The following MAP3K20 variants were observed in gnomAD, a reference collection of about 807,000 sequenced individuals.
The protein encoded by MAP3K20 is HCCS-4.
A neutral mutation model predicts 85.7 loss-of-function variants in MAP3K20; 40 were observed. The ratio of observed to expected loss-of-function variants is 0.47; its 90% CI spans 0.36 to 0.61. MAP3K20 has a LOEUF of 0.61. Among genes scored for constraint, MAP3K20 ranks in the 20% least tolerant of loss-of-function variants. MAP3K20 has a pLI of 0.00. For synonymous variants in MAP3K20, 325 were observed against 327.7 expected (o/e 0.99, Z 0.09); for missense variants, 817 against 961.7 (o/e 0.85, Z 1.99).
At chr2:173,148,783 A>T (rs1689210974) in intron 2 of MAP3K20, among the ~76,000 whole-genome samples, 1 of 152,208 alleles carries the variant, frequency 6.6e-6, no homozygotes, top group Non-Finnish European at 1.5e-5. Context: ...GGTTTGCCAA[A>T]TTTGGCAGAG....
intron 17 of MAP3K20, among the ~76,000 whole-genome samples, chr2:173,259,191 T>C (rs1685231362): frequency 6.6e-6 from 1 of 152,192 alleles, no homozygotes; most frequent in African/African-American, 2.4e-5. Flanking sequence ...ATGACTTTCT[T>C]GGTTGAGGTC....
chr2:173,250,660 T>TC (rs773871627), intron 16 of MAP3K20, among the ~76,000 whole-genome samples: 2 of 152,230 alleles, frequency 1.3e-5, no homozygotes, highest in African/African-American at 2.4e-5. Flanking sequence ...TATGTATGAT[T>TC]CTTCATCAGT....
rs770346806 is a variant in MAP3K20 at position 173,164,848 on chromosome 2, A to T, written c.160-4957A>T. On this transcript the variant is annotated intron_variant, in intron 2 of 19. Coordinates refer to ENST00000375213, the MANE Select transcript of MAP3K20 (RefSeq NM_016653.3). ...GTCTGGAAACATGGCAAACTGAGCT[A>T]ATGGCTCGTTTTCCCCTGTAAACTT... 7.2e-5 allele frequency among the ~76,000 whole-genome samples: 11 copies of T among 152,184 alleles called. No homozygotes were observed. The East Asian group carries it at 1.3e-3, about 19-fold the overall frequency.
At chr2:173,232,485 A>G in intron 14 of MAP3K20, 26 bp downstream of exon 14, 1 of 1,606,426 alleles carries the variant, frequency 6.2e-7, no homozygotes, top group Non-Finnish European at 8.5e-7. Flanking sequence ...ACAACATTCC[A>G]TCAGCAAACC....
At chr2:173,161,650 A>G in intron 2 of MAP3K20, among the ~76,000 whole-genome samples, 1 of 152,220 alleles carries the variant, frequency 6.6e-6, no homozygotes, top group East Asian at 1.9e-4. Flanking sequence ...CCATAGGAGC[A>G]GACACAAGAA....
chr2:173,172,489 T>C (rs1690026310), intron 3 of MAP3K20, among the ~76,000 whole-genome samples: 1 of 152,138 alleles, frequency 6.6e-6, no homozygotes, highest in Non-Finnish European at 1.5e-5. Context: ...CAGAGCTTCA[T>C]AGATGGGTCA....
At chr2:173,078,134 GTTTAT>G (rs1686915881) in intron 1 of MAP3K20, among the ~76,000 whole-genome samples, 1 of 152,230 alleles carries the variant, frequency 6.6e-6, no homozygotes, top group Non-Finnish European at 1.5e-5. Context: ...AAAATGGACA[GTTTAT>G]TTTAGAAAGT....
At chr2:173,171,324 C>T (rs536499070) in intron 3 of MAP3K20, among the ~76,000 whole-genome samples, 2 of 152,266 alleles carry the variant, frequency 1.3e-5, no homozygotes, top group African/African-American at 2.4e-5. Context: ...TTCTGATCCT[C>T]GTTTGTGGCT....
At chr2:173,248,839 T>C (rs1326922584) in intron 16 of MAP3K20, among the ~76,000 whole-genome samples, 1 of 152,222 alleles carries the variant, frequency 6.6e-6, no homozygotes, top group African/African-American at 2.4e-5. Flanking sequence ...TTAGTCTTCT[T>C]AATCAAGATT....
At chr2:173,127,966 T>C (rs764768098) in intron 2 of MAP3K20, among the ~76,000 whole-genome samples, 22 of 152,150 alleles carry the variant, frequency 1.4e-4, no homozygotes, top group Non-Finnish European at 2.6e-4. Context: ...TAGTAAGTGA[T>C]AGAATCTAGA....
At chr2:173,239,003 C>T (rs547791890) in intron 15 of MAP3K20, among the ~76,000 whole-genome samples, 9 of 152,152 alleles carry the variant, frequency 5.9e-5, no homozygotes, top group Non-Finnish European at 1.2e-4. Flanking sequence ...ATCCTCCATC[C>T]ACATTTGCAT....
At chr2:173,243,616 TGTTTTTTTGTTTGTTTTTTGA>T (rs904975537) in intron 16 of MAP3K20, among the ~76,000 whole-genome samples, 30 of 152,298 alleles carry the variant, frequency 2.0e-4, no homozygotes, top group African/African-American at 7.2e-4. Flanking sequence ...ATCAGATTTA[TGTTTTTTTGTTTGTTTTTTGA>T]GACGGAATCT....
At chr2:173,221,590 A>G (rs1248919551) in intron 11 of MAP3K20, 8 of 1,441,294 alleles carry the variant, frequency 5.6e-6, no homozygotes, top group Non-Finnish European at 7.3e-6. Flanking sequence ...TAACTTGTTT[A>G]TCTCAGTCTG....
chr2:173,140,136 C>T (rs191349610), intron 2 of MAP3K20, among the ~76,000 whole-genome samples: 46 of 152,084 alleles, frequency 3.0e-4, no homozygotes, highest in African/African-American at 8.2e-4. Context: ...CTCAGCCTCC[C>T]GAGTAGCTGG....
chr2:173,229,779 C>A, intron 12 of MAP3K20, 46 bp downstream of exon 12: 1 of 1,608,068 alleles, frequency 6.2e-7, no homozygotes, highest in Non-Finnish European at 8.5e-7. Flanking sequence ...GCAGGTATTT[C>A]ATAAATTTTT....
rs61431056 is a variant in MAP3K20 at position 173,085,784 on chromosome 2, A to ATTTTTTTTTTTTTTTT, written c.-34-5200_-34-5185dup. ...AAATTGCCTTTTTTGTGTAAAAGCA[A>ATTTTTTTTTTTTTTTT]TTTTTTTTTTTTTTTTTTTTTTTTT... is the stretch of plus-strand genomic sequence containing the variant. On this transcript the variant is annotated intron_variant, in intron 1 of 19. Transcript: ENST00000375213. Among the ~76,000 whole-genome samples the ATTTTTTTTTTTTTTTT allele has an allele frequency of 9.5e-5, 7 of 73,760 alleles. 1 individual carries two copies. Among genetic ancestry groups the ATTTTTTTTTTTTTTTT allele is most frequent in the South Asian group, 5.9e-4 (1 of 1,704 alleles). The allele number at this position is 73,760 out of a possible 152,430, so 48.4% of individuals were successfully genotyped here. A position where few individuals can be genotyped will look rare whatever the true frequency, so the allele number is the denominator to read the frequency against.
At chr2:173,264,760 T>C (rs1393694091) in intron 19 of MAP3K20, among the ~76,000 whole-genome samples, 1 of 152,130 alleles carries the variant, frequency 6.6e-6, no homozygotes, top group Admixed American at 6.5e-5. Context: ...TGTGATTCTG[T>C]ATGCTACTGC....
rs1341026793 is a variant in MAP3K20, at chr2:173,261,069, T to C, written c.1483T>C (p.Phe495Leu). The part of the protein sequence containing the change: ...AEILKMTKPP[F>L]VMEKWIVGIA... ...CCTAACTTTTGTTTTTCAGCCACCATTTGTAATGGAGAAGTGGATTGTAGG... is the reference window on the plus strand; with the variant it reads ...CCTAACTTTTGTTTTTCAGCCACCACTTGTAATGGAGAAGTGGATTGTAGG... Residue 495 changes from phenylalanine (F) to leucine (L), a missense_variant, in exon 18 of 20, where the codon TTT becomes CTT. This residue lies in a region of MAP3K20 where 454 missense variants were observed against 476.9 expected (regional missense o/e 0.95). Transcript: ENST00000375213. The C allele has an allele frequency of 5.0e-6, 8 of 1,613,272 alleles. No individual in the cohort carries two copies. Among genetic ancestry groups the C allele is most frequent in the Non-Finnish European group, 6.8e-6 (8 of 1,179,484 alleles).
chr2:173,237,827 G>A lies in MAP3K20; in HGVS notation c.1204-546G>A, dbSNP rs541613492. Among the ~76,000 whole-genome samples the A allele has an allele frequency of 1.9e-4, 29 of 152,168 alleles. No homozygotes were observed. The South Asian group carries it at 5.4e-3, about 28-fold the overall frequency. ...CCACTTCTCAGTACTATACTCTGGC[G>A]GCGTTTGAAAAATTGTTTTATTTAT... On this transcript the variant is annotated intron_variant, in intron 14 of 19. Transcript: ENST00000375213.
Sources: gnomAD v4.1 joint callset for allele counts (sites outside exome capture counted in the v4.1 genomes callset) on GRCh38, gnomAD v4.1.1 for gene constraint, gnomAD v4.1.1 regional missense constraint, MANE v1.5 for transcripts, NCBI Gene and HGNC (gene_info 2026-07-23, HGNC 2026-07-21) for gene names.